The following TNS3 variants were observed in gnomAD, a reference collection of about 807,000 sequenced individuals.
TNS3 encodes the protein tensin-3.
TNS3 carries 45 observed loss-of-function variants against 140.9 expected under a neutral mutation model. The ratio of observed to expected loss-of-function variants is 0.32; its 90% CI spans 0.25 to 0.41. TNS3 has a LOEUF of 0.41. Among genes scored for constraint, TNS3 ranks in the 10% least tolerant of loss-of-function variants. TNS3 has a pLI of 1.00. For synonymous variants in TNS3, 815 were observed against 788.4 expected, an observed-to-expected ratio of 1.03 and a Z score of -0.56; for missense variants, 1,716 against 1,906.7, an observed-to-expected ratio of 0.90 and a Z score of 1.86.
At chr7:47,463,169 G>A (rs1796559808) in intron 4 of TNS3, among the ~76,000 whole-genome samples, 1 of 152,192 alleles carries the variant, frequency 6.6e-6, no homozygotes, top group Non-Finnish European at 1.5e-5. Flanking sequence ...CCTTGGCCGG[G>A]TGCAGTGGCT....
In TNS3 at chr7:47,470,762, C is replaced by T. The variant is rs114728536; in HGVS notation, c.-76+10341G>A. ...ATCATTAGCCAAGGCTTTGTGCTCC[C>T]GGGTGGATGTAAGCTGACACCAGGG... On this transcript the variant is annotated intron_variant, in intron 4 of 30. Coordinates refer to ENST00000311160, the MANE Select transcript of TNS3 (RefSeq NM_022748.12). 2.0e-3 allele frequency: 1,075 copies of T among 533,712 alleles called. 10 individuals carry two copies. In the African/African-American group the frequency reaches 0.02, roughly 10 times the overall value. 33.1% of individuals were successfully genotyped at this position (533,712 alleles called of 1,614,324 possible). A position where few individuals can be genotyped will look rare whatever the true frequency, so the allele number is the denominator to read the frequency against.
intron 1 of TNS3, among the ~76,000 whole-genome samples, chr7:47,567,830 TG>T (rs1429867890): frequency 2.0e-5 from 3 of 152,160 alleles, no homozygotes; most frequent in African/African-American, 7.2e-5. Flanking sequence ...GTTCATGAAC[TG>T]GAAGTCCTGC....
chr7:47,526,382 G>A (rs1020797453), intron 2 of TNS3, among the ~76,000 whole-genome samples: 1 of 152,160 alleles, frequency 6.6e-6, no homozygotes, highest in Non-Finnish European at 1.5e-5. Context: ...ACACACATGC[G>A]GCATCAGCCA....
chr7:47,470,692 G>T, intron 4 of TNS3: 1 of 978,072 alleles, frequency 1.0e-6, no homozygotes, highest in Non-Finnish European at 1.2e-6. Flanking sequence ...GTGTCTGTGA[G>T]CCACACACCT....
chr7:47,323,524 A>G (rs536949420), intron 20 of TNS3, among the ~76,000 whole-genome samples: 1 of 152,396 alleles, frequency 6.6e-6, no homozygotes, highest in East Asian at 1.9e-4. Context: ...CCAAAAGGAA[A>G]GAAGAATGTT....
In TNS3 at chr7:47,305,011, G is replaced by A. The variant is rs578133996; in HGVS notation, c.2651-8C>T. 1.3e-5 allele frequency: 17 copies of A among 1,335,858 alleles called. No homozygotes were observed. The highest frequency in any genetic ancestry group is 5.6e-5 in the East Asian group (2 of 35,914). The allele number at this position is 1,335,858 out of a possible 1,614,324, so 82.8% of individuals were successfully genotyped here. A position where few individuals can be genotyped will look rare whatever the true frequency, so the allele number is the denominator to read the frequency against. The stretch of plus-strand genomic sequence containing the variant: ...CAGGGCAGCTTCGTGGTTCTGTAGC[G>A]GGAACACAGGAAGCAGAGAGACCTC... On this transcript the variant is annotated splice_region_variant and splice_polypyrimidine_tract_variant and intron_variant, in intron 20 of 30. Transcript: ENST00000311160.
chr7:47,398,863 C>T (rs1194108104), intron 15 of TNS3, among the ~76,000 whole-genome samples: 2 of 151,842 alleles, frequency 1.3e-5, no homozygotes, highest in African/African-American at 4.8e-5. Context: ...GCACCTAAAT[C>T]GGAAAAGAGG....
rs569654634 is a variant in TNS3, at chr7:47,343,211, T to C, written c.2650+1544A>G. Among the ~76,000 whole-genome samples the C allele has an allele frequency of 2.0e-5, 3 of 152,238 alleles. No individual in the cohort carries two copies. In the East Asian group the frequency reaches 5.8e-4, roughly 29 times the overall value. On this transcript the variant is annotated intron_variant, in intron 20 of 30. Coordinates refer to ENST00000311160, the MANE Select transcript of TNS3 (RefSeq NM_022748.12). ...CCACGCACAGGACATGGAGCTCATC[T>C]CCAGGCTGGGACAATCGGGCCAGCA...
intron 24 of TNS3, 49 bp downstream of exon 24, chr7:47,297,033 G>C: frequency 1.9e-6 from 3 of 1,587,406 alleles, no homozygotes; most frequent in Non-Finnish European, 2.6e-6. Context: ...AACCAACAGA[G>C]TTTCTCTGTG....
At chr7:47,283,347 C>T (rs1785246108) in intron 28 of TNS3, among the ~76,000 whole-genome samples, 1 of 152,190 alleles carries the variant, frequency 6.6e-6, no homozygotes, top group Non-Finnish European at 1.5e-5. Flanking sequence ...GTTCCAAGAT[C>T]ATTGGACTCT....
chr7:47,318,562 CAGAAA>C (rs1262158584), intron 20 of TNS3, among the ~76,000 whole-genome samples: 1 of 152,104 alleles, frequency 6.6e-6, no homozygotes, highest in African/African-American at 2.4e-5. Flanking sequence ...AAAGCAGCAC[CAGAAA>C]AGAAAAGAGC....
chr7:47,370,674 T>C (rs1384020722), intron 16 of TNS3, among the ~76,000 whole-genome samples: 1 of 152,242 alleles, frequency 6.6e-6, no homozygotes, highest in Non-Finnish European at 1.5e-5. Flanking sequence ...AGTCAGCACA[T>C]GCCTCACCCC....
chr7:47,355,469 G>A (rs1789941388), intron 17 of TNS3, among the ~76,000 whole-genome samples: 1 of 152,094 alleles, frequency 6.6e-6, no homozygotes, highest in African/African-American at 2.4e-5. Context: ...TCAGAGCCCT[G>A]GAGAATCAGG....
rs533574156 is a variant in TNS3 at position 47,430,731 on chromosome 7, T to C, written c.325-2355A>G. 4.0e-4 allele frequency among the ~76,000 whole-genome samples: 61 copies of C among 151,902 alleles called. No homozygotes were observed. The Middle Eastern group carries it at 0.024, about 60-fold the overall frequency. On this transcript the variant is annotated intron_variant, in intron 8 of 30. Coordinates refer to ENST00000311160, the MANE Select transcript of TNS3 (RefSeq NM_022748.12). ...AAATCATATTCAGTATTTTTTCTTTTTTTTTTTTTAATGGAGTCTCCCTCT... is the reference window on the plus strand; with the variant it reads ...AAATCATATTCAGTATTTTTTCTTTCTTTTTTTTTAATGGAGTCTCCCTCT...
At chr7:47,415,451 C>T (rs1239055251) in intron 10 of TNS3, among the ~76,000 whole-genome samples, 1 of 152,220 alleles carries the variant, frequency 6.6e-6, no homozygotes, top group Non-Finnish European at 1.5e-5. Flanking sequence ...GCATCCCACA[C>T]CTGAAAGGCC....
At chr7:47,566,829 C>G (rs1391862263) in intron 1 of TNS3, among the ~76,000 whole-genome samples, 1 of 152,072 alleles carries the variant, frequency 6.6e-6, no homozygotes, top group Non-Finnish European at 1.5e-5. Context: ...CACCTGAGTG[C>G]AGGAGTTCGA....
intron 20 of TNS3, among the ~76,000 whole-genome samples, chr7:47,318,237 C>T (rs1231556140): frequency 6.6e-6 from 1 of 152,220 alleles, no homozygotes; most frequent in African/African-American, 2.4e-5. Flanking sequence ...TGAAGTTCTT[C>T]CATGTTGTAG....
At position 47,278,064 on chromosome 7, in the gene TNS3, G is replaced by A. The variant is rs751516534; in HGVS notation, c.*12C>T. On this transcript the variant is annotated 3_prime_UTR_variant, in exon 31 of 31. Coordinates refer to ENST00000311160, the MANE Select transcript of TNS3 (RefSeq NM_022748.12). ...GAGAGGCATCGGTGGGTCCAGGGAG[G>A]GAGGGGAGTTCTCAGACCTTCTTTG... is the stretch of plus-strand genomic sequence containing the variant. 1.2e-6 allele frequency: 2 copies of A among 1,613,992 alleles called. No homozygotes were observed. Among genetic ancestry groups the A allele is most frequent in the East Asian group, 4.5e-5 (2 of 44,868 alleles).
intron 4 of TNS3, among the ~76,000 whole-genome samples, chr7:47,461,174 T>C (rs1210530536): frequency 6.6e-6 from 1 of 152,202 alleles, no homozygotes; most frequent in African/African-American, 2.4e-5. Flanking sequence ...CATTAAGTGT[T>C]GTATGTCAAG....
Sources: gnomAD v4.1 joint callset for allele counts (sites outside exome capture counted in the v4.1 genomes callset) on GRCh38, gnomAD v4.1.1 for gene constraint, MANE v1.5 for transcripts, NCBI Gene and HGNC (gene_info 2026-07-23, HGNC 2026-07-21) for gene names.